KPNA3: variants seen among roughly 807,000 people sequenced by gnomAD.
KPNA3 encodes importin subunit alpha-4.
Under a neutral mutation model 73.8 loss-of-function variants are expected in KPNA3, and 13 were observed. The ratio of observed to expected loss-of-function variants is 0.18; its 90% CI spans 0.11 to 0.28. The LOEUF (loss-of-function observed/expected upper bound fraction) is 0.28, where lower values mean the gene tolerates loss of function less well. Ranked by LOEUF, KPNA3 falls within the 10% of genes least tolerant of loss-of-function variation. The probability of loss-of-function intolerance (pLI) is 1.00; values close to 1 mark genes in which losing one functional copy is unlikely to be tolerated. For synonymous variants in KPNA3, 186 were observed against 206.9 expected (o/e 0.90, Z 0.87); for missense variants, 360 against 618.1 (o/e 0.58, Z 4.43).
At chr13:49,762,264 G>A (rs548302518) in intron 1 of KPNA3, among the ~76,000 whole-genome samples, 53 of 150,154 alleles carry the variant, frequency 3.5e-4, no homozygotes, top group African/African-American at 1.1e-3. Context: ...GCCTCCGCCC[G>A]GCCATCGCCC....
chr13:49,783,522 A>G (rs560821331), intron 1 of KPNA3, among the ~76,000 whole-genome samples: 2 of 152,296 alleles, frequency 1.3e-5, no homozygotes, highest in Admixed American at 1.3e-4. Context: ...ATAAAATGGC[A>G]CAGTACAGTC....
chr13:49,775,011 A>T (rs982539389), intron 1 of KPNA3, among the ~76,000 whole-genome samples: 6 of 151,812 alleles, frequency 4.0e-5, no homozygotes, highest in African/African-American at 1.5e-4. Context: ...AAAATTTGCC[A>T]CTTATGGTGG....
intron 3 of KPNA3, 72 bp downstream of exon 3, chr13:49,732,885 A>G: frequency 7.5e-7 from 1 of 1,340,326 alleles, no homozygotes; most frequent in Non-Finnish European, 1.1e-6. Flanking sequence ...AGTTGGTCTT[A>G]TATTAAAAAT....
intron 9 of KPNA3, among the ~76,000 whole-genome samples, chr13:49,721,413 T>A (rs1419286626): frequency 1.3e-5 from 2 of 152,246 alleles, no homozygotes; most frequent in Non-Finnish European, 2.9e-5. Flanking sequence ...TTTCTTTTTA[T>A]GCAGATAATC....
chr13:49,709,803 A>G, intron 11 of KPNA3, 103 bp from the exon 12 acceptor site: 2 of 987,044 alleles, frequency 2.0e-6, no homozygotes. Context: ...GGCATAAATA[A>G]CACTTATTTC....
In KPNA3 at chr13:49,715,589, A is replaced by G. The variant is rs138119689; in HGVS notation, c.771+4186T>C. Among the ~76,000 whole-genome samples, 554 of 152,302 alleles carry G rather than the reference A, an allele frequency of 3.6e-3. 2 individuals carry two copies. Among genetic ancestry groups the G allele is most frequent in the African/African-American group, 0.013 (522 of 41,576 alleles). ...ACATAATAGATAAAGGAGTCGAAAA[A>G]TGTCATTTAAAACTATCAAAACAGT... On this transcript the variant is annotated intron_variant, in intron 10 of 16. Transcript: ENST00000261667.
chr13:49,717,653 C>G (rs542453247), intron 10 of KPNA3, among the ~76,000 whole-genome samples: 1 of 152,264 alleles, frequency 6.6e-6, no homozygotes, highest in Admixed American at 6.5e-5. Context: ...ACCTCTGCTT[C>G]TTTTACAACG....
At chr13:49,762,888 AT>A (rs1224602062) in intron 1 of KPNA3, among the ~76,000 whole-genome samples, 4 of 148,386 alleles carry the variant, frequency 2.7e-5, no homozygotes, top group Non-Finnish European at 5.9e-5. Context: ...AATTAAAAAA[AT>A]AAATAAATAA....
chr13:49,791,573 G>A (rs1464901285), intron 1 of KPNA3, among the ~76,000 whole-genome samples: 4 of 152,320 alleles, frequency 2.6e-5, no homozygotes, highest in South Asian at 2.1e-4. Flanking sequence ...GGAGCAAGAG[G>A]TATGTAAGAG....
intron 6 of KPNA3, among the ~76,000 whole-genome samples, chr13:49,731,067 A>C (rs1954463996): frequency 2.0e-5 from 3 of 151,020 alleles, no homozygotes; most frequent in Non-Finnish European, 4.4e-5. Flanking sequence ...GGTGTGAGCC[A>C]CTGCACCCAG....
intron 1 of KPNA3, among the ~76,000 whole-genome samples, chr13:49,763,350 A>T (rs1954783963): frequency 6.6e-6 from 1 of 152,216 alleles, no homozygotes. Context: ...GTCAGAAGAA[A>T]CCGTCAATTA....
intron 2 of KPNA3, among the ~76,000 whole-genome samples, chr13:49,746,215 C>T (rs952425123): frequency 6.6e-6 from 1 of 152,110 alleles, no homozygotes; most frequent in Admixed American, 6.5e-5. Flanking sequence ...GTAATCCCAA[C>T]AGAAGGACGA....
At chr13:49,775,850 G>A (rs1162818347) in intron 1 of KPNA3, among the ~76,000 whole-genome samples, 1 of 152,100 alleles carries the variant, frequency 6.6e-6, no homozygotes, top group African/African-American at 2.4e-5. Context: ...CGGACTTGGG[G>A]TGGGTCATAT....
At chr13:49,728,220 G>C (rs1432392818) in intron 6 of KPNA3, among the ~76,000 whole-genome samples, 1 of 148,554 alleles carries the variant, frequency 6.7e-6, no homozygotes, top group Non-Finnish European at 1.5e-5. Context: ...GGGCGACAGA[G>C]CGAGACTCTG....
rs1468249466 is a variant in KPNA3 at position 49,715,814 on chromosome 13, C to T, written c.771+3961G>A. Among the ~76,000 whole-genome samples, 3 of 152,286 alleles carry T rather than the reference C, an allele frequency of 2.0e-5. No homozygotes were observed. The East Asian group carries it at 5.8e-4, about 29-fold the overall frequency. On this transcript the variant is annotated intron_variant, in intron 10 of 16. Coordinates refer to ENST00000261667, the MANE Select transcript of KPNA3 (RefSeq NM_002267.4). ...AAGAATATACCCTGAAGATATACCT[C>T]CAATAATATGAAAACACACAATAGT...
rs74863195 is a variant in KPNA3, at chr13:49,764,966, G to A, written c.70-17973C>T. 1.3e-3 allele frequency among the ~76,000 whole-genome samples: 200 copies of A among 152,172 alleles called. 3 individuals are homozygous for A. Among genetic ancestry groups the A allele is most frequent in the Middle Eastern group, 3.4e-3 (1 of 294 alleles). ...ATCCTTAATTACATGGTACCTTTGC[G>A]GGAGAACACTTCATTCATTCTCATC... On this transcript the variant is annotated intron_variant, in intron 1 of 16. Coordinates refer to ENST00000261667, the MANE Select transcript of KPNA3 (RefSeq NM_002267.4).
In KPNA3 at chr13:49,732,348, T is replaced by C. The variant is rs751725719; in HGVS notation, c.383+23A>G. ...TTTAAGTTAACTGAAAAAAACTGAA[T>C]AGGGAGTAAAATCCATACTTACTTA... On this transcript the variant is annotated intron_variant, in intron 6 of 16. Coordinates refer to ENST00000261667, the MANE Select transcript of KPNA3 (RefSeq NM_002267.4). 3.2e-6 allele frequency: 4 copies of C among 1,236,558 alleles called. No individual in the cohort carries two copies. In the Admixed American group the frequency reaches 6.3e-5, roughly 20 times the overall value. The allele number at this position is 1,236,558 out of a possible 1,614,324, so 76.6% of individuals were successfully genotyped here. A position where few individuals can be genotyped will look rare whatever the true frequency, so the allele number is the denominator to read the frequency against.
intron 1 of KPNA3, among the ~76,000 whole-genome samples, chr13:49,756,334 G>T (rs548192006): frequency 6.6e-6 from 1 of 152,308 alleles, no homozygotes; most frequent in East Asian, 1.9e-4. Context: ...GGAGGCCAAG[G>T]AGGGAGGACT....
chr13:49,742,084 G>A (rs1358913824), intron 2 of KPNA3, among the ~76,000 whole-genome samples: 1 of 152,122 alleles, frequency 6.6e-6, no homozygotes, highest in East Asian at 1.9e-4. Flanking sequence ...TGTGAAATAA[G>A]GGCCTGGTCT....
Sources: allele counts gnomAD v4.1 joint callset (sites outside exome capture counted in the v4.1 genomes callset), GRCh38; gene constraint gnomAD v4.1.1; transcripts MANE v1.5; gene names NCBI Gene and HGNC (gene_info 2026-07-23, HGNC 2026-07-21).